The following STOX2 variants were observed in gnomAD, a reference collection of about 807,000 sequenced individuals.
STOX2 encodes the protein storkhead box 2.
STOX2 carries 28 observed loss-of-function variants against 60.9 expected under a neutral mutation model. The observed-to-expected ratio is 0.46, with a 90% CI of 0.34 to 0.63. STOX2 has a LOEUF of 0.63. Ranked by LOEUF, STOX2 falls within the 30% of genes least tolerant of loss-of-function variation. The pLI is 0.01. For synonymous variants in STOX2, 472 were observed against 463.9 expected (o/e 1.02, Z -0.22); for missense variants, 1,024 against 1,187.7 (o/e 0.86, Z 2.03).
At chr4:184,004,204 A>C (rs188872038) in intron 2 of STOX2, among the ~76,000 whole-genome samples, 2 of 152,256 alleles carry the variant, frequency 1.3e-5, no homozygotes, top group East Asian at 3.9e-4. Flanking sequence ...TCTCATATTT[A>C]ATGTATATTT....
At position 183,906,748 on chromosome 4, in the gene STOX2, G is replaced by T. The variant is rs1459657740; in HGVS notation, c.-43G>T. The stretch of plus-strand genomic sequence containing the variant: ...ATGAAGGAGCGCGCTGCGCCCCGGC[G>T]CTGAGGCCCCGAGGATCGGGGCGGC... On this transcript the variant is annotated 5_prime_UTR_variant, in exon 1 of 4. Transcript: ENST00000308497. 4 of 1,473,618 alleles carry T rather than the reference G, an allele frequency of 2.7e-6. No homozygotes were observed. In the Admixed American group the frequency reaches 9.8e-5, roughly 36 times the overall value. 91.3% of individuals were successfully genotyped at this position (1,473,618 alleles called of 1,614,324 possible). A position where few individuals can be genotyped will look rare whatever the true frequency, so the allele number is the denominator to read the frequency against.
At chr4:183,876,211 T>G (rs942446085) in intron 1 of STOX2, among the ~76,000 whole-genome samples, 2 of 152,126 alleles carry the variant, frequency 1.3e-5, no homozygotes, top group African/African-American at 2.4e-5. Flanking sequence ...CTGTCTACAA[T>G]TTGAACTTCA....
At chr4:183,949,556 G>A (rs1743006989) in intron 1 of STOX2, among the ~76,000 whole-genome samples, 1 of 152,048 alleles carries the variant, frequency 6.6e-6, no homozygotes, top group Non-Finnish European at 1.5e-5. Flanking sequence ...AAATTAGCTG[G>A]GCGTGGTGGC....
intron 1 of STOX2, among the ~76,000 whole-genome samples, chr4:183,884,417 C>T (rs1178922446): frequency 6.6e-6 from 1 of 151,912 alleles, no homozygotes; most frequent in South Asian, 2.1e-4. Context: ...GCGGATGGAT[C>T]GCTTGAGCTC....
intron 1 of STOX2, among the ~76,000 whole-genome samples, chr4:183,948,218 C>CAAAAAAAAAAAAAAA: frequency 3.3e-5 from 1 of 29,876 alleles, no homozygotes; most frequent in Non-Finnish European, 5.5e-5. Context: ...AACTCCATCT[C>CAAAAAAAAAAAAAAA]AAAAAAAAAA....
At chr4:183,975,156 A>G (rs979422772) in intron 1 of STOX2, among the ~76,000 whole-genome samples, 3 of 152,142 alleles carry the variant, frequency 2.0e-5, no homozygotes, top group African/African-American at 4.8e-5. Flanking sequence ...TGAAAATGCA[A>G]TATATCATAA....
At chr4:183,850,971 T>G (rs1187761913) in intron 1 of STOX2, among the ~76,000 whole-genome samples, 1 of 99,254 alleles carries the variant, frequency 1.0e-5, no homozygotes, top group African/African-American at 4.0e-5. Flanking sequence ...AGGGAAAGGA[T>G]GAGGGAAACG....
chr4:183,798,120 C>T (rs1579277497), intron 1 of STOX2: 1 of 1,211,934 alleles, frequency 8.3e-7, no homozygotes, highest in Admixed American at 4.3e-5. Flanking sequence ...GCCGTGCGGT[C>T]GCGGGTGCCC....
At chr4:183,993,185 T>G (rs1446015472) in intron 1 of STOX2, among the ~76,000 whole-genome samples, 1 of 152,250 alleles carries the variant, frequency 6.6e-6, no homozygotes, top group Non-Finnish European at 1.5e-5. Flanking sequence ...TGTCTCTATT[T>G]ATTCTGTGAT....
intron 1 of STOX2, among the ~76,000 whole-genome samples, chr4:183,986,897 ACT>A (rs540655515): frequency 2.6e-5 from 4 of 151,494 alleles, no homozygotes; most frequent in South Asian, 2.1e-4. Context: ...GACCCCTGTA[ACT>A]CTGAGTTTCG....
Position 184,022,214 on chromosome 4 carries a change from G to T in STOX2, c.*4930G>T, listed in dbSNP as rs1417737451. ...AGGATACATCCAGTATTTTCCCACA[G>T]ATTTTTATTCAGGCGATGTTTCATA... On this transcript the variant is annotated 3_prime_UTR_variant, in exon 4 of 4. Transcript: ENST00000308497. 5.3e-5 allele frequency: 8 copies of T among 152,180 alleles called. No individual in the cohort carries two copies. The highest frequency in any genetic ancestry group is 1.9e-4 in the African/African-American group (8 of 41,440). The allele number at this position is 152,180 out of a possible 1,614,324, so 9.4% of individuals were successfully genotyped here.
intron 1 of STOX2, among the ~76,000 whole-genome samples, chr4:183,864,609 G>A (rs1181729843): frequency 1.3e-5 from 2 of 152,070 alleles, no homozygotes; most frequent in Non-Finnish European, 1.5e-5. Flanking sequence ...GGCCAGGCTG[G>A]TCTCGAACTC....
chr4:183,983,779 AT>A (rs1033696186), intron 1 of STOX2, among the ~76,000 whole-genome samples: 14 of 152,096 alleles, frequency 9.2e-5, no homozygotes, highest in African/African-American at 2.4e-4. Flanking sequence ...TGTTCTTTAA[AT>A]TTTTTTTAAT....
intron 1 of STOX2, among the ~76,000 whole-genome samples, chr4:183,983,334 G>T (rs762777993): frequency 1.3e-5 from 2 of 152,164 alleles, no homozygotes; most frequent in Non-Finnish European, 2.9e-5. Context: ...TGCCTTGAAT[G>T]ACATAGATGC....
At chr4:184,000,163 C>T (rs1004509006) in intron 1 of STOX2, among the ~76,000 whole-genome samples, 2 of 152,128 alleles carry the variant, frequency 1.3e-5, no homozygotes, top group Non-Finnish European at 2.9e-5. Flanking sequence ...TCCTGCCCTC[C>T]CAGCCTCTGC....
intron 1 of STOX2, among the ~76,000 whole-genome samples, chr4:183,805,124 AAGGAATT>A (rs1738856502): frequency 6.6e-6 from 1 of 152,230 alleles, no homozygotes; most frequent in Admixed American, 6.5e-5. Context: ...TATTTGCTGC[AAGGAATT>A]TTAAATGTCT....
intron 1 of STOX2, among the ~76,000 whole-genome samples, chr4:183,982,871 TAA>T (rs5864863): frequency 0.23 from 34,417 of 152,116 alleles, 4,379 homozygotes; most frequent in Middle Eastern, 0.31. Flanking sequence ...CTTGCCTCAG[TAA>T]TTATCTTTTC....
intron 1 of STOX2, among the ~76,000 whole-genome samples, chr4:183,812,084 G>A (rs7686781): frequency 0.3 from 46,104 of 151,728 alleles, 8,846 homozygotes; most frequent in African/African-American, 0.55. Flanking sequence ...GGCATATGCC[G>A]CCACACCCAA....
chr4:183,816,275 C>T (rs1445621172), intron 1 of STOX2, among the ~76,000 whole-genome samples: 1 of 152,132 alleles, frequency 6.6e-6, no homozygotes, highest in Non-Finnish European at 1.5e-5. Flanking sequence ...ACACAAGTGC[C>T]CATCAACAGT....
Sources: allele counts gnomAD v4.1 joint callset (sites outside exome capture counted in the v4.1 genomes callset), GRCh38; gene constraint gnomAD v4.1.1; transcripts MANE v1.5; gene names NCBI Gene and HGNC (gene_info 2026-07-23, HGNC 2026-07-21).